PTPRT: variants seen among roughly 807,000 people sequenced by gnomAD.
The protein encoded by PTPRT is protein tyrosine phosphatase receptor type T, also known as receptor-type tyrosine-protein phosphatase T.
A neutral mutation model predicts 176.8 loss-of-function variants in PTPRT; 56 were observed. The ratio of observed to expected loss-of-function variants is 0.32; its 90% CI spans 0.26 to 0.40. The LOEUF (loss-of-function observed/expected upper bound fraction) is 0.40. Among genes scored for constraint, PTPRT ranks in the 10% least tolerant of loss-of-function variants. The probability of loss-of-function intolerance (pLI) is 1.00; values close to 1 mark genes in which losing one functional copy is unlikely to be tolerated. For missense variants in PTPRT, 1,540 were observed against 1,908.2 expected (o/e 0.81, Z 3.60); for synonymous variants, 783 against 739.0 (o/e 1.06, Z -0.96).
intron 1 of PTPRT, among the ~76,000 whole-genome samples, chr20:42,938,932 T>G (rs938427671): frequency 1.6e-4 from 24 of 152,212 alleles, no homozygotes; most frequent in African/African-American, 5.8e-4. Context: ...TTATAATAAC[T>G]TCACAGGTCT....
At chr20:43,125,973 G>C (rs1166887054) in intron 1 of PTPRT, among the ~76,000 whole-genome samples, 1 of 152,242 alleles carries the variant, frequency 6.6e-6, no homozygotes, top group Non-Finnish European at 1.5e-5. Context: ...AAAAGTGAAA[G>C]GCATTTGGGA....
intron 16 of PTPRT, among the ~76,000 whole-genome samples, chr20:42,178,338 A>AAACAGTCCCTGAATAGTTGCCCTTATGGG (rs1990378913): frequency 6.6e-6 from 1 of 152,196 alleles, no homozygotes; most frequent in East Asian, 1.9e-4. Context: ...TGTTACAGGG[A>AAACAGTCCCTGAATAGTTGCCCTTATGGG]AACAGTCCCT....
At chr20:42,060,975 G>C in the PTPRT span, among the ~76,000 whole-genome samples, 20 of 152,304 alleles carry the variant, frequency 1.3e-4, no homozygotes, top group East Asian at 3.7e-3. Flanking sequence ...TCTGAATAAA[G>C]TTCCTTAGCT....
intron 7 of PTPRT, among the ~76,000 whole-genome samples, chr20:42,669,340 A>C (rs545769592): frequency 6.6e-6 from 1 of 152,114 alleles, no homozygotes; most frequent in Admixed American, 6.5e-5. Context: ...CATGGTCTTG[A>C]AAATTTCTCC....
chr20:42,892,211 T>C (rs898330775), intron 1 of PTPRT, among the ~76,000 whole-genome samples: 7 of 152,194 alleles, frequency 4.6e-5, no homozygotes, highest in African/African-American at 1.7e-4. Context: ...TTATTCACAG[T>C]TGAATGTAAT....
At chr20:42,069,059 G>A (rs753500335), downstream of PTPRT, among the ~76,000 whole-genome samples, 5 of 152,200 alleles carry the variant, frequency 3.3e-5, no homozygotes, top group Non-Finnish European at 7.3e-5. Flanking sequence ...CTGGTTCTGG[G>A]CTAAAAGCCT....
At chr20:42,348,046 G>A (rs749386347) in intron 11 of PTPRT, among the ~76,000 whole-genome samples, 1 of 152,148 alleles carries the variant, frequency 6.6e-6, no homozygotes, top group Non-Finnish European at 1.5e-5. Flanking sequence ...AACATACTAA[G>A]TGTTCAATAA....
rs140542135 is a variant in PTPRT, at chr20:42,079,747, T to G, written c.*1132A>C. 3.9e-5 allele frequency: 9 copies of G among 229,168 alleles called. No homozygotes were observed. Among genetic ancestry groups the G allele is most frequent in the African/African-American group, 2.0e-4 (9 of 45,208 alleles). The allele number at this position is 229,168 out of a possible 1,614,324, so 14.2% of individuals were successfully genotyped here. ...AGGAGTTCAAATTTGGACATCCAAA[T>G]TATGCACAAAGCTGGTGCTCTATTT... On this transcript the variant is annotated 3_prime_UTR_variant, in exon 31 of 31. Transcript: ENST00000373187.
At chr20:42,274,422 T>C (rs2056991252) in intron 13 of PTPRT, among the ~76,000 whole-genome samples, 1 of 152,194 alleles carries the variant, frequency 6.6e-6, no homozygotes, top group Non-Finnish European at 1.5e-5. Context: ...GCCTAACTAA[T>C]CCAGTTGCTG....
At chr20:42,415,845 C>T (rs2059061449) in intron 9 of PTPRT, among the ~76,000 whole-genome samples, 2 of 152,074 alleles carry the variant, frequency 1.3e-5, no homozygotes, top group South Asian at 4.1e-4. Flanking sequence ...CATTATTGAT[C>T]CACATGACTA....
chr20:42,925,924 G>C (rs143943484), intron 1 of PTPRT, among the ~76,000 whole-genome samples: 1 of 152,118 alleles, frequency 6.6e-6, no homozygotes, highest in Non-Finnish European at 1.5e-5. Flanking sequence ...GCAGATTTCC[G>C]ACCCCAGACA....
intron 7 of PTPRT, among the ~76,000 whole-genome samples, chr20:42,497,178 T>C (rs1479533739): frequency 1.3e-5 from 2 of 152,200 alleles, no homozygotes. Context: ...GCTTTACAGA[T>C]AAGGGTAGTC....
At chr20:42,183,544 C>G (rs1990608632) in intron 16 of PTPRT, among the ~76,000 whole-genome samples, 1 of 152,152 alleles carries the variant, frequency 6.6e-6, no homozygotes, top group African/African-American at 2.4e-5. Flanking sequence ...AATTATCACG[C>G]TAATCCAAGT....
At chr20:42,953,903 G>A (rs373688810) in intron 1 of PTPRT, among the ~76,000 whole-genome samples, 31 of 152,226 alleles carry the variant, frequency 2.0e-4, no homozygotes, top group African/African-American at 6.0e-4. Flanking sequence ...CCTTTCAGTC[G>A]TGACAAGCAA....
chr20:42,735,139 T>C (rs1378765077), intron 6 of PTPRT, among the ~76,000 whole-genome samples: 1 of 152,232 alleles, frequency 6.6e-6, no homozygotes, highest in Non-Finnish European at 1.5e-5. Context: ...TTGCTGATGA[T>C]TCATTGAAGC....
At chr20:42,189,627 A>G (rs534674697) in intron 16 of PTPRT, among the ~76,000 whole-genome samples, 5 of 152,320 alleles carry the variant, frequency 3.3e-5, no homozygotes, top group African/African-American at 9.6e-5. Flanking sequence ...AATATTACAT[A>G]GAAGACAAAC....
chr20:42,617,625 T>C (rs1190056760), intron 7 of PTPRT, among the ~76,000 whole-genome samples: 2 of 138,388 alleles, frequency 1.4e-5, no homozygotes, highest in Admixed American at 1.4e-4. Context: ...GATCCTGTTA[T>C]TGGTCTATTC....
intron 13 of PTPRT, among the ~76,000 whole-genome samples, chr20:42,254,159 C>T (rs1324802969): frequency 6.6e-6 from 1 of 152,178 alleles, no homozygotes; most frequent in Admixed American, 6.5e-5. Flanking sequence ...ATTACTGAGA[C>T]CTAACAAGGG....
intron 27 of PTPRT, among the ~76,000 whole-genome samples, chr20:42,092,709 G>T (rs969196587): frequency 2.0e-5 from 3 of 152,194 alleles, no homozygotes; most frequent in African/African-American, 7.2e-5. Context: ...CACAAGCCCA[G>T]ACTAAAAATG....
Sources: gnomAD v4.1 joint callset for allele counts (sites outside exome capture counted in the v4.1 genomes callset) on GRCh38, gnomAD v4.1.1 for gene constraint, MANE v1.5 for transcripts, NCBI Gene and HGNC (gene_info 2026-07-23, HGNC 2026-07-21) for gene names.